Variants in SDCCAG8 observed in about 807,000 individuals in gnomAD.
The protein encoded by SDCCAG8 is SHH signaling and ciliogenesis regulator SDCCAG8.
SDCCAG8 carries 74 observed loss-of-function variants against 101.8 expected under a neutral mutation model. The observed-to-expected ratio is 0.73, with a 90% confidence interval of 0.60 to 0.88. The LOEUF (loss-of-function observed/expected upper bound fraction) is 0.88, where lower values mean the gene tolerates loss of function less well. SDCCAG8 is among the 40% of genes least tolerant of loss of function. The pLI is 0.00. For synonymous variants in SDCCAG8, 281 were observed against 292.9 expected, an observed-to-expected ratio of 0.96 and a Z score of 0.41; for missense variants, 787 against 822.6, an observed-to-expected ratio of 0.96 and a Z score of 0.53.
intron 14 of SDCCAG8, among the ~76,000 whole-genome samples, chr1:243,417,764 G>A (rs1233996386): frequency 6.6e-6 from 1 of 152,108 alleles, no homozygotes; most frequent in African/African-American, 2.4e-5. Flanking sequence ...TGTTTCTGGT[G>A]TATAATTATG....
chr1:243,431,953 G>T (rs1249170006), intron 16 of SDCCAG8, among the ~76,000 whole-genome samples: 4 of 152,164 alleles, frequency 2.6e-5, no homozygotes, highest in Admixed American at 2.6e-4. Flanking sequence ...TCTGATCGAA[G>T]TGTAACAATC....
At chr1:243,370,546 G>T (rs937493982) in intron 12 of SDCCAG8, among the ~76,000 whole-genome samples, 2 of 152,058 alleles carry the variant, frequency 1.3e-5, no homozygotes, top group African/African-American at 4.8e-5. Context: ...ACAGAACAGT[G>T]GTGTAAACTT....
At chr1:243,373,299 C>T (rs914490129) in intron 12 of SDCCAG8, among the ~76,000 whole-genome samples, 4 of 152,040 alleles carry the variant, frequency 2.6e-5, no homozygotes, top group African/African-American at 9.7e-5. Flanking sequence ...ACAGAGATAC[C>T]TGCCCTATAT....
In SDCCAG8 at chr1:243,499,906, T is replaced by C; in HGVS notation, c.*121T>C. On this transcript the variant is annotated 3_prime_UTR_variant, in exon 18 of 18. Coordinates refer to ENST00000366541, the MANE Select transcript of SDCCAG8 (RefSeq NM_006642.5). The stretch of plus-strand genomic sequence containing the variant: ...AGGGTGACACCGCCTCAGCCTGCAG[T>C]GGGGCTGGTCCTCATCAACGCGGGC... 1 of 934,016 alleles carries C rather than the reference T, an allele frequency of 1.1e-6. No individual in the cohort carries two copies. The highest frequency in any genetic ancestry group is 1.7e-6 in the Non-Finnish European group (1 of 586,372). The allele number at this position is 934,016 out of a possible 1,614,324, so 57.9% of individuals were successfully genotyped here.
intron 1 of SDCCAG8, among the ~76,000 whole-genome samples, chr1:243,257,423 G>A (rs1270129714): frequency 6.6e-6 from 1 of 151,096 alleles, no homozygotes; most frequent in African/African-American, 2.4e-5. Context: ...TAAGGAACAA[G>A]ACAAAGTTCC....
intron 15 of SDCCAG8, among the ~76,000 whole-genome samples, chr1:243,421,174 A>T (rs1375799639): frequency 6.6e-6 from 1 of 152,192 alleles, no homozygotes; most frequent in African/African-American, 2.4e-5. Flanking sequence ...TTTTGTATTG[A>T]GCAATAATTA....
In SDCCAG8 at chr1:243,476,207, A is replaced by T. The variant is rs1489274878; in HGVS notation, c.1986-12807A>T. The T allele has an allele frequency of 5.1e-6, 5 of 985,338 alleles. No individual in the cohort carries two copies. In the African/African-American group the frequency reaches 8.7e-5, roughly 17 times the overall value. The allele number at this position is 985,338 out of a possible 1,614,324, so 61.0% of individuals were successfully genotyped here. ...CTTCAGTTACCGTGGCAACCAGCAG[A>T]TGGGGTTCTTTGACAAGGGTCAGCG... is the stretch of plus-strand genomic sequence containing the variant. On this transcript the variant is annotated intron_variant, in intron 16 of 17. Coordinates refer to ENST00000366541, the MANE Select transcript of SDCCAG8 (RefSeq NM_006642.5).
At chr1:243,350,391 G>T (rs1279588172) in intron 12 of SDCCAG8, among the ~76,000 whole-genome samples, 2 of 151,840 alleles carry the variant, frequency 1.3e-5, no homozygotes, top group Admixed American at 6.6e-5. Context: ...TGTTGTTGTT[G>T]TTTTTTAGTA....
At chr1:243,492,604 GTTTTT>G (rs74162289) in intron 17 of SDCCAG8, among the ~76,000 whole-genome samples, 1 of 58,866 alleles carries the variant, frequency 1.7e-5, no homozygotes, top group Non-Finnish European at 3.0e-5. Context: ...GCGCCCAGCT[GTTTTT>G]TTTTTTTTTT....
intron 3 of SDCCAG8, 76 bp from the exon 4 acceptor site, chr1:243,274,467 C>T (rs2068357861): frequency 2.4e-6 from 2 of 845,892 alleles, no homozygotes; most frequent in Non-Finnish European, 3.9e-6. Flanking sequence ...TGATTCTTTG[C>T]TAAATCCAAA....
intron 15 of SDCCAG8, among the ~76,000 whole-genome samples, chr1:243,425,184 T>A (rs2081260609): frequency 6.6e-6 from 1 of 152,070 alleles, no homozygotes; most frequent in Non-Finnish European, 1.5e-5. Context: ...CAGAATATGG[T>A]AGGAAAGACA....
chr1:243,401,530 GA>G (rs1347872506), intron 13 of SDCCAG8, among the ~76,000 whole-genome samples: 4 of 152,134 alleles, frequency 2.6e-5, no homozygotes, highest in Non-Finnish European at 4.4e-5. Context: ...AAAAATTATA[GA>G]AACACTATCC....
chr1:243,434,959 A>G (rs2082038037), intron 16 of SDCCAG8, among the ~76,000 whole-genome samples: 1 of 152,238 alleles, frequency 6.6e-6, no homozygotes, highest in Non-Finnish European at 1.5e-5. Context: ...GGACAATGCC[A>G]AAGAAATGAT....
intron 16 of SDCCAG8, among the ~76,000 whole-genome samples, chr1:243,481,881 C>A (rs1418491676): frequency 6.6e-6 from 1 of 152,168 alleles, no homozygotes; most frequent in African/African-American, 2.4e-5. Context: ...AAGCAAAAAA[C>A]TCTCATTGAA....
At chr1:243,360,820 TCAAAACAAAA>T (rs571680814) in intron 12 of SDCCAG8, among the ~76,000 whole-genome samples, 37 of 151,962 alleles carry the variant, frequency 2.4e-4, no homozygotes, top group African/African-American at 8.9e-4. Context: ...AGACTCCATC[TCAAAACAAAA>T]CAAAACAAAA....
intron 12 of SDCCAG8, among the ~76,000 whole-genome samples, chr1:243,378,263 CTT>C (rs1441550824): frequency 1.3e-5 from 2 of 151,472 alleles, no homozygotes; most frequent in Admixed American, 6.6e-5. Context: ...GAAAATCTCT[CTT>C]ATTTATTTTA....
intron 16 of SDCCAG8, among the ~76,000 whole-genome samples, chr1:243,437,186 ACT>A (rs1243536184): frequency 6.6e-6 from 1 of 152,112 alleles, no homozygotes; most frequent in Non-Finnish European, 1.5e-5. Flanking sequence ...TTTGCCTTAG[ACT>A]CTACAATTTT....
intron 9 of SDCCAG8, among the ~76,000 whole-genome samples, chr1:243,329,542 C>T (rs1369504501): frequency 1.3e-5 from 2 of 152,200 alleles, no homozygotes; most frequent in East Asian, 3.9e-4. Context: ...TCACATGAGA[C>T]CTGGGGTTCT....
intron 12 of SDCCAG8, among the ~76,000 whole-genome samples, chr1:243,359,947 CT>C (rs2076601308): frequency 6.6e-6 from 1 of 151,974 alleles, no homozygotes; most frequent in South Asian, 2.1e-4. Context: ...TTTGATCAGT[CT>C]TTTTTATATT....
Sources: allele counts gnomAD v4.1 joint callset (sites outside exome capture counted in the v4.1 genomes callset), GRCh38; gene constraint gnomAD v4.1.1; transcripts MANE v1.5; gene names NCBI Gene and HGNC (gene_info 2026-07-23, HGNC 2026-07-21).